Variants in RAI2 observed in about 807,000 individuals in gnomAD.
The protein encoded by RAI2 is retinoic acid-induced protein 2.
In RAI2, 5 loss-of-function variants were observed where a neutral mutation model predicts 15.3. The ratio of observed to expected loss-of-function variants is 0.33; its 90% CI spans 0.17 to 0.69. The LOEUF (loss-of-function observed/expected upper bound fraction) is 0.69. Ranked by LOEUF, RAI2 falls within the 30% of genes least tolerant of loss-of-function variation. RAI2 has a pLI of 0.69. For missense variants in RAI2, 424 were observed against 424.7 expected (o/e 1.00, Z 0.01); for synonymous variants, 191 against 184.0 (o/e 1.04, Z -0.31).
intron 1 of RAI2, among the ~76,000 whole-genome samples, chrX:17,811,273 G>A (rs145617097): frequency 2.3e-3 from 257 of 112,293 alleles, no homozygotes; most frequent in African/African-American, 8.1e-3. Flanking sequence ...AGGGGACTGT[G>A]AGAGTCAGCA....
intron 1 of RAI2, among the ~76,000 whole-genome samples, chrX:17,805,478 G>A (rs2066968039): frequency 1.8e-5 from 2 of 112,372 alleles, no homozygotes; most frequent in Admixed American, 9.4e-5. Context: ...CCTACTTCTG[G>A]TTACTCACCT....
At chrX:17,851,395 T>C (rs1193990494) in intron 1 of RAI2, among the ~76,000 whole-genome samples, 2 of 112,321 alleles carry the variant, frequency 1.8e-5, no homozygotes, top group Non-Finnish European at 3.8e-5. Flanking sequence ...AACGGTAACA[T>C]TGTAGAGCTT....
intron 1 of RAI2, among the ~76,000 whole-genome samples, chrX:17,823,471 C>A (rs895061390): frequency 1.8e-5 from 2 of 111,961 alleles, no homozygotes; most frequent in Non-Finnish European, 3.8e-5. Flanking sequence ...TGGCATGGTG[C>A]TGGCCTCCCA....
In RAI2 at chrX:17,801,120, C is replaced by A. The variant is rs1190034630; in HGVS notation, c.891G>T (p.Lys297Asn). The change falls in exon 2 of 2, where the codon AAG becomes AAT. Residue 297 changes from lysine to asparagine, a missense_variant. Physicochemically the swap from Lys to Asn is moderately conservative, Grantham distance 94. Coordinates refer to ENST00000451717, the MANE Select transcript of RAI2 (RefSeq NM_021785.6). ...ELKPFDILQP[K>N]EYFQLSRHTV... ...TGTGGCGGCTGAGCTGGAAGTACTC[C>A]TTAGGCTGGAGGATGTCAAAGGGCT... is the stretch of plus-strand genomic sequence containing the variant. The A allele has an allele frequency of 8.3e-7, 1 of 1,211,726 alleles. No individual in the cohort carries two copies. The highest frequency in any genetic ancestry group is 1.8e-5 in the South Asian group (1 of 56,961).
chrX:17,813,217 T>C (rs1249797346), intron 1 of RAI2, among the ~76,000 whole-genome samples: 1 of 111,020 alleles, frequency 9.0e-6, no homozygotes, highest in East Asian at 2.8e-4. Flanking sequence ...TGTACCTTCT[T>C]TCTGTGTCTA....
At chrX:17,822,131 C>T (rs1193006250) in intron 1 of RAI2, among the ~76,000 whole-genome samples, 4 of 112,114 alleles carry the variant, frequency 3.6e-5, no homozygotes, top group African/African-American at 1.3e-4. Flanking sequence ...GTGTTATGAT[C>T]ATACAAGCAC....
chrX:17,817,575 C>T (rs2067121222), intron 1 of RAI2, among the ~76,000 whole-genome samples: 1 of 112,545 alleles, frequency 8.9e-6, no homozygotes, highest in Admixed American at 9.3e-5. Flanking sequence ...TTTTCAGCAG[C>T]TTCACTCCCT....
At chrX:17,831,544 A>G (rs2067282407) in intron 1 of RAI2, among the ~76,000 whole-genome samples, 1 of 111,694 alleles carries the variant, frequency 9.0e-6, no homozygotes, top group South Asian at 3.8e-4. Flanking sequence ...TTAACCCCAG[A>G]ACATCATCTT....
At chrX:17,854,343 G>A (rs769797322) in intron 1 of RAI2, among the ~76,000 whole-genome samples, 26 of 112,094 alleles carry the variant, frequency 2.3e-4, no homozygotes, top group Admixed American at 5.7e-4. Context: ...GGTGGGGAGG[G>A]ATTCTTCAGC....
At chrX:17,854,878 C>T (rs758805207) in intron 1 of RAI2, among the ~76,000 whole-genome samples, 1 of 111,995 alleles carries the variant, frequency 8.9e-6, no homozygotes, top group Non-Finnish European at 1.9e-5. Context: ...GCCAAGGGTC[C>T]CCTGTGAGGG....
At chrX:17,830,272 G>C (rs2067268020) in intron 1 of RAI2, among the ~76,000 whole-genome samples, 1 of 112,306 alleles carries the variant, frequency 8.9e-6, no homozygotes, top group Non-Finnish European at 1.9e-5. Context: ...AATTATTTGA[G>C]AGAACTCTTG....
intron 1 of RAI2, among the ~76,000 whole-genome samples, chrX:17,850,904 G>A (rs1253791538): frequency 3.5e-5 from 4 of 112,806 alleles, no homozygotes; most frequent in Non-Finnish European, 5.6e-5. Context: ...AAGTGGAAAA[G>A]GTTTAGCTTT....
intron 1 of RAI2, among the ~76,000 whole-genome samples, chrX:17,835,610 T>C (rs1234626402): frequency 8.9e-6 from 1 of 111,778 alleles, no homozygotes; most frequent in African/African-American, 3.3e-5. Flanking sequence ...CCCACTGAGA[T>C]AGGTCCGTGT....
Position 17,801,346 on chromosome X carries a change from G to C in RAI2, c.665C>G (p.Ser222Cys), listed in dbSNP as rs1257497820. ...GAGGGTGGCTGGTGGGACCAGGGGGGACAAGGGGGAGCTAAAAGGCTGTGG... is the reference window on the plus strand; with the variant it reads ...GAGGGTGGCTGGTGGGACCAGGGGGCACAAGGGGGAGCTAAAAGGCTGTGG... ...VPPQPFSSPL[S>C]PLVPPATLLV... Residue 222 changes from serine (S) to cysteine (C), a missense_variant, in exon 2 of 2, where the codon TCC (serine) becomes TGC (cysteine). Ser to Cys is a moderately radical substitution (Grantham distance 112). Coordinates refer to ENST00000451717, the MANE Select transcript of RAI2 (RefSeq NM_021785.6). 1.7e-6 allele frequency: 2 copies of C among 1,149,287 alleles called. No individual in the cohort carries two copies. Among genetic ancestry groups the C allele is most frequent in the South Asian group, 2.1e-5 (1 of 47,996 alleles). The allele number at this position is 1,149,287 out of a possible 1,213,427, so 94.7% of individuals were successfully genotyped here.
At chrX:17,843,968 T>C (rs1351985771) in intron 1 of RAI2, among the ~76,000 whole-genome samples, 1 of 112,276 alleles carries the variant, frequency 8.9e-6, no homozygotes, top group African/African-American at 3.2e-5. Context: ...TCTTTTCCAT[T>C]TCAGGCAGAG....
chrX:17,852,147 G>A (rs925493666), intron 1 of RAI2, among the ~76,000 whole-genome samples: 2 of 111,659 alleles, frequency 1.8e-5, no homozygotes, highest in African/African-American at 6.5e-5. Flanking sequence ...CAAGTGTCAC[G>A]TGCTACAAAT....
chrX:17,802,783 C>G (rs778056780), intron 1 of RAI2, among the ~76,000 whole-genome samples: 1 of 111,687 alleles, frequency 9.0e-6, no homozygotes, highest in Non-Finnish European at 1.9e-5. Flanking sequence ...GAGCCTAGGG[C>G]TGGGGAGATG....
chrX:17,815,499 T>C (rs1343268865), intron 1 of RAI2, among the ~76,000 whole-genome samples: 2 of 111,623 alleles, frequency 1.8e-5, no homozygotes, highest in Admixed American at 9.5e-5. Flanking sequence ...CAAATCTTTA[T>C]TGTTGCAGCT....
intron 1 of RAI2, among the ~76,000 whole-genome samples, chrX:17,817,047 G>GGGCC (rs1386018750): frequency 8.9e-6 from 1 of 111,781 alleles, no homozygotes; most frequent in Non-Finnish European, 1.9e-5. Flanking sequence ...GCAGGGGGAA[G>GGGCC]GGCCGCCTGC....
Sources: gnomAD v4.1 joint callset for allele counts (sites outside exome capture counted in the v4.1 genomes callset) on GRCh38, gnomAD v4.1.1 for gene constraint, MANE v1.5 for transcripts, NCBI Gene and HGNC (gene_info 2026-07-23, HGNC 2026-07-21) for gene names.